The following ROGDI variants were observed in gnomAD, a reference collection of about 807,000 sequenced individuals.
ROGDI encodes rogdi atypical leucine zipper, also known as protein rogdi homolog.
ROGDI carries 46 observed loss-of-function variants against 43.1 expected under a neutral mutation model. That is an observed-to-expected ratio of 1.07 (90% CI 0.84 to 1.37). ROGDI has a LOEUF of 1.37. Among genes scored for constraint, ROGDI ranks in the 40% most tolerant of loss-of-function variants. The probability of loss-of-function intolerance (pLI) is 0.00; values close to 1 mark genes in which losing one functional copy is unlikely to be tolerated. For synonymous variants in ROGDI, 243 were observed against 162.0 expected (o/e 1.50, Z -3.80); for missense variants, 518 against 383.9 (o/e 1.35, Z -2.92).
chr16:4,799,816 G>C (rs752529667), intron 5 of ROGDI, 35 bp from the exon 6 acceptor site: 1 of 1,489,324 alleles, frequency 6.7e-7, no homozygotes, highest in Non-Finnish European at 9.3e-7. Context: ...GGTCACGCCA[G>C]CTTCCATGCG....
chr16:4,802,607 C>G lies in ROGDI; in HGVS notation c.-36G>C. 1.5e-6 allele frequency: 2 copies of G among 1,298,228 alleles called. No homozygotes were observed. The highest frequency in any genetic ancestry group is 2.0e-6 in the Non-Finnish European group (2 of 1,020,968). The allele number at this position is 1,298,228 out of a possible 1,614,324, so 80.4% of individuals were successfully genotyped here. ...CGCCGCCGAGCGCCCTCCCCACCGG[C>G]CGCTGCTCCTGTCCACCAATCTTTC... On this transcript the variant is annotated 5_prime_UTR_variant, in exon 1 of 11. Transcript: ENST00000322048.
intron 4 of ROGDI, 41 bp downstream of exon 4, chr16:4,801,226 C>G: frequency 6.5e-7 from 1 of 1,539,774 alleles, no homozygotes; most frequent in Non-Finnish European, 8.8e-7. Flanking sequence ...CATGCTCTTC[C>G]CCATTGGCAG....
At chr16:4,801,364 C>T (rs767072716) in intron 3 of ROGDI, 43 bp from the exon 4 acceptor site, 4 of 1,585,512 alleles carry the variant, frequency 2.5e-6, no homozygotes, top group Admixed American at 1.7e-5. Flanking sequence ...GTCACCCCCC[C>T]ACCACCCAGC....
chr16:4,801,782 A>C (rs1214007075), intron 2 of ROGDI, 197 bp from the exon 3 acceptor site: 1 of 607,714 alleles, frequency 1.6e-6, no homozygotes, highest in African/African-American at 1.8e-5. Context: ...CTCTGCTTAT[A>C]CCACATTCCC....
At chr16:4,800,385 G>A (rs1381140553) in intron 5 of ROGDI, 113 bp downstream of exon 5, 1 of 837,668 alleles carries the variant, frequency 1.2e-6, no homozygotes, top group East Asian at 2.7e-5. Flanking sequence ...CACCCTCCCA[G>A]GCTTGCTGTG....
At chr16:4,801,183 G>A (rs751580391) in intron 4 of ROGDI, 84 bp downstream of exon 4, 15 of 1,172,972 alleles carry the variant, frequency 1.3e-5, no homozygotes, top group Middle Eastern at 2.0e-4. Flanking sequence ...GCCCAGAGTC[G>A]CAGGGCTTGT....
chr16:4,800,783 C>G (rs559599196), intron 4 of ROGDI: 7 of 584,866 alleles, frequency 1.2e-5, no homozygotes, highest in Admixed American at 9.3e-5. Flanking sequence ...CAAGAAGAGC[C>G]ACAAAGAAGT....
At chr16:4,801,181 T>G in intron 4 of ROGDI, 86 bp downstream of exon 4, 2 of 1,133,622 alleles carry the variant, frequency 1.8e-6, no homozygotes, top group South Asian at 1.6e-5. Context: ...CCGCCCAGAG[T>G]CGCAGGGCTT....
chr16:4,797,978 G>A lies in ROGDI; in HGVS notation c.655C>T (p.Pro219Ser). The A allele has an allele frequency of 6.2e-7, 1 of 1,608,420 alleles. No individual in the cohort carries two copies. Among genetic ancestry groups the A allele is most frequent in the Non-Finnish European group, 8.5e-7 (1 of 1,176,054 alleles). Residue 219 changes from proline (P) to serine (S), a missense_variant, in exon 9 of 11, where the codon CCA becomes TCA. By Grantham distance (74) the Pro-to-Ser change is moderately conservative. Transcript: ENST00000322048. ...CTATGCAGCACCGCGCCCCCAGCTGGGCGGAAGTTCTAGGGAGAACAGCAC... is the reference window on the plus strand; with the variant it reads ...CTATGCAGCACCGCGCCCCCAGCTGAGCGGAAGTTCTAGGGAGAACAGCAC... ...LQPNSTKNFR[P>S]AGGAVLHSPG...
At chr16:4,800,776 G>A (rs2082705355) in intron 4 of ROGDI, 198 bp from the exon 5 acceptor site, 1 of 588,688 alleles carries the variant, frequency 1.7e-6, no homozygotes, top group Non-Finnish European at 3.0e-6. Context: ...CCAGGCCCAA[G>A]AAGAGCCACA....
Position 4,801,288 on chromosome 16 carries a change from C to A in ROGDI, c.234G>T (p.Gln78His), listed in dbSNP as rs767642673. 1 of 1,609,042 alleles carries A rather than the reference C, an allele frequency of 6.2e-7. No individual in the cohort carries two copies. The highest frequency in any genetic ancestry group is 8.5e-7 in the Non-Finnish European group (1 of 1,176,576). Reference sequence around the variant, plus strand: ...TCACCGCCTGGCTGAGGGCATCCCCCTGCAGAGTCAGCACACCCTTCACCT... The same window carrying A: ...TCACCGCCTGGCTGAGGGCATCCCCATGCAGAGTCAGCACACCCTTCACCT... ...TDQVKGVLTL[Q>H]GDALSQADVN... is the part of the protein sequence containing the mutation. Residue 78 changes from glutamine to histidine, a missense_variant, in exon 4 of 11, where the codon CAG becomes CAT. By Grantham distance (24) the Gln-to-His change is conservative. Coordinates refer to ENST00000322048, the MANE Select transcript of ROGDI (RefSeq NM_024589.3).
rs769323377 is a variant in ROGDI, at chr16:4,798,656, T to G, written c.444A>C (p.Ala148=). 6.4e-7 allele frequency: 1 copy of G among 1,567,416 alleles called. No homozygotes were observed. The highest frequency in any genetic ancestry group is 1.9e-5 in the Admixed American group (1 of 52,308). Residue 148 remains alanine (A), a synonymous_variant, in exon 7 of 11, where the codon GCA becomes GCC. Coordinates refer to ENST00000322048, the MANE Select transcript of ROGDI (RefSeq NM_024589.3). The part of the protein sequence containing the change: ...TGAEVLKLMD[A]VMLQLTRARN... ...GGGCTCTGGTCAGCTGCAGCATCAC[T>G]GCGTCCATCAGCTGCAGGGAGAGGC...
At chr16:4,797,893 G>C (rs1047327923) in intron 9 of ROGDI, 45 bp downstream of exon 9, 4 of 1,603,592 alleles carry the variant, frequency 2.5e-6, no homozygotes, top group Non-Finnish European at 3.4e-6. Flanking sequence ...CAGGTGTGGA[G>C]GGATGGGGTG....
rs749691306 is a variant in ROGDI, at chr16:4,802,267, C to G, written c.117+115G>C. 707 of 980,172 alleles carry G rather than the reference C, an allele frequency of 7.2e-4. 1 individual carries two copies. Among genetic ancestry groups the G allele is most frequent in the Non-Finnish European group, 9.6e-4 (628 of 654,924 alleles). 60.7% of individuals were successfully genotyped at this position (980,172 alleles called of 1,614,324 possible). A position where few individuals can be genotyped will look rare whatever the true frequency, so the allele number is the denominator to read the frequency against. On this transcript the variant is annotated intron_variant, in intron 2 of 10. Transcript: ENST00000322048. ...GCGGAGGCGGGGCCCTGCCTGAAAG[C>G]CGCGGCAGCCGCACACTGTAGGCGC...
rs975501473 is a variant in ROGDI at position 4,797,366 on chromosome 16, T to C, written c.*94A>G. 9.6e-6 allele frequency: 11 copies of C among 1,151,318 alleles called. No homozygotes were observed. The highest frequency in any genetic ancestry group is 1.3e-5 in the Non-Finnish European group (10 of 793,370). 71.3% of individuals were successfully genotyped at this position (1,151,318 alleles called of 1,614,324 possible). ...GTAGGGGGTGGGATAGGGAGATAAA[T>C]AGCAGCCTGGCGTTGGCACTGGCTG... On this transcript the variant is annotated 3_prime_UTR_variant, in exon 11 of 11. Coordinates refer to ENST00000322048, the MANE Select transcript of ROGDI (RefSeq NM_024589.3).
intron 4 of ROGDI, chr16:4,800,817 G>A (rs559805960): frequency 6.1e-5 from 35 of 570,444 alleles, no homozygotes; most frequent in African/African-American, 4.2e-4. Flanking sequence ...GTGAAGAAAG[G>A]GGAAGGGGAA....
intron 4 of ROGDI, 56 bp from the exon 5 acceptor site, chr16:4,800,634 C>A (rs1567602171): frequency 1.4e-6 from 2 of 1,385,898 alleles, no homozygotes; most frequent in Non-Finnish European, 2.0e-6. Flanking sequence ...CTGCCACAGC[C>A]ACTCTGAGCC....
intron 6 of ROGDI, 120 bp from the exon 7 acceptor site, chr16:4,798,787 C>A: frequency 1.2e-6 from 1 of 824,650 alleles, no homozygotes; most frequent in South Asian, 1.6e-5. Context: ...GGTCCCGAAA[C>A]CCGGCAGCAG....
rs997114337 is a variant in ROGDI at position 4,797,790 on chromosome 16, C to T, written c.746G>A (p.Cys249Tyr). The T allele has an allele frequency of 6.2e-7, 1 of 1,613,568 alleles. No individual in the cohort carries two copies. Among genetic ancestry groups the T allele is most frequent in the Non-Finnish European group, 8.5e-7 (1 of 1,179,966 alleles). ...GGCGTCGTTGAGCCAGGGGATCACG[C>T]ACTCCACTTTGTGCACGTGGCTCAC... The part of the protein sequence containing the change: ...LEVSHVHKVE[C>Y]VIPWLNDALV... The change falls in exon 10 of 11, where the codon TGC becomes TAC. Residue 249 changes from cysteine (C) to tyrosine (Y), a missense_variant. Transcript: ENST00000322048.
Sources: allele counts gnomAD v4.1 joint callset, GRCh38; gene constraint gnomAD v4.1.1; transcripts MANE v1.5; gene names NCBI Gene and HGNC (gene_info 2026-07-23, HGNC 2026-07-21).